The following AKAP19 variants were observed in gnomAD, a reference collection of about 807,000 sequenced individuals.
AKAP19 encodes the protein A-kinase anchoring protein 19.
the AKAP19 span, among the ~76,000 whole-genome samples, chr2:189,892,090 T>G: frequency 1.3e-5 from 2 of 151,936 alleles, no homozygotes; most frequent in Middle Eastern, 3.2e-3. Context: ...GTCAGGTCAT[T>G]TATGTTCTTC....
chr2:190,187,983 A>AGCCTTCAAATAACATT, the AKAP19 span, among the ~76,000 whole-genome samples: 1 of 152,210 alleles, frequency 6.6e-6, no homozygotes, highest in Non-Finnish European at 1.5e-5. Flanking sequence ...TAGAGCTTTG[A>AGCCTTCAAATAACATT]GCCTTCAAAT....
the AKAP19 span, among the ~76,000 whole-genome samples, chr2:190,120,488 G>T: frequency 3.3e-5 from 5 of 152,130 alleles, no homozygotes; most frequent in African/African-American, 4.8e-5. Flanking sequence ...ACTTAGAAAG[G>T]AGTATAACAA....
At chr2:190,114,764 A>G in the AKAP19 span, among the ~76,000 whole-genome samples, 1 of 152,166 alleles carries the variant, frequency 6.6e-6, no homozygotes, top group African/African-American at 2.4e-5. Flanking sequence ...CTGAAAAGAA[A>G]GTTTTTAAGA....
At chr2:189,935,701 C>T in the AKAP19 span, among the ~76,000 whole-genome samples, 1 of 152,024 alleles carries the variant, frequency 6.6e-6, no homozygotes, top group African/African-American at 2.4e-5. Context: ...ATGTCTTTAT[C>T]ATGATTTTTG....
chr2:190,054,494 T>C, the AKAP19 span, among the ~76,000 whole-genome samples: 1 of 152,118 alleles, frequency 6.6e-6, no homozygotes, highest in Non-Finnish European at 1.5e-5. Context: ...ACAAATGGAA[T>C]CTAATTAAAG....
chr2:190,068,955 T>G, the AKAP19 span, among the ~76,000 whole-genome samples: 2 of 152,150 alleles, frequency 1.3e-5, no homozygotes, highest in African/African-American at 2.4e-5. Context: ...GATCTATGGC[T>G]TCTCACACCG....
At chr2:190,034,638 A>G in the AKAP19 span, among the ~76,000 whole-genome samples, 10 of 151,160 alleles carry the variant, frequency 6.6e-5, no homozygotes, top group South Asian at 2.1e-3. Flanking sequence ...TGAGGCCAGG[A>G]GTTGGAGACC....
At chr2:190,062,265 T>C in the AKAP19 span, 6 of 1,613,012 alleles carry the variant, frequency 3.7e-6, no homozygotes, top group East Asian at 8.9e-5. Context: ...TGTAGCGTGA[T>C]AATCGTCATC....
chr2:190,071,227 T>G, the AKAP19 span, among the ~76,000 whole-genome samples: 2 of 152,158 alleles, frequency 1.3e-5, no homozygotes, highest in Non-Finnish European at 2.9e-5. Context: ...GCAGGAGGAT[T>G]GCTTGAGGCC....
chr2:190,114,750 C>A, the AKAP19 span, among the ~76,000 whole-genome samples: 2 of 152,140 alleles, frequency 1.3e-5, no homozygotes, highest in African/African-American at 4.8e-5. Flanking sequence ...GCCACCGCGC[C>A]CAGCTGAAAA....
At chr2:190,095,959 G>A in the AKAP19 span, among the ~76,000 whole-genome samples, 1 of 152,134 alleles carries the variant, frequency 6.6e-6, no homozygotes, top group Non-Finnish European at 1.5e-5. Flanking sequence ...AAATAAGGTG[G>A]AGCCCACAGG....
the AKAP19 span, chr2:189,879,961 G>C: frequency 6.6e-6 from 1 of 152,224 alleles, no homozygotes; most frequent in African/African-American, 2.4e-5. Context: ...TGCTGAGAAG[G>C]TAGCCATCTA....
the AKAP19 span, among the ~76,000 whole-genome samples, chr2:190,181,875 G>C: frequency 2.0e-5 from 3 of 152,088 alleles, no homozygotes; most frequent in African/African-American, 7.2e-5. Context: ...TTTCCCTTTG[G>C]ATGAGGCTGT....
the AKAP19 span, among the ~76,000 whole-genome samples, chr2:190,046,009 G>A: frequency 2.6e-5 from 4 of 152,226 alleles, no homozygotes; most frequent in Non-Finnish European, 5.9e-5. Context: ...TCCCAGGGTC[G>A]CACATTCACT....
chr2:189,929,675 A>G, the AKAP19 span, among the ~76,000 whole-genome samples: 5 of 152,290 alleles, frequency 3.3e-5, no homozygotes, highest in Middle Eastern at 3.4e-3. Flanking sequence ...CAGATTATAA[A>G]TAAACTGGTT....
chr2:190,197,080 G>A, the AKAP19 span, among the ~76,000 whole-genome samples: 3 of 152,058 alleles, frequency 2.0e-5, no homozygotes, highest in African/African-American at 7.2e-5. This position sits in a 1 kb window ranked among gnomAD's most constrained non-coding sequence, Gnocchi z 4.0. Context: ...ACTCTCTGGG[G>A]TCTCTTTTAT....
the AKAP19 span, among the ~76,000 whole-genome samples, chr2:189,883,243 C>T: frequency 6.6e-6 from 1 of 152,204 alleles, no homozygotes; most frequent in East Asian, 1.9e-4. Context: ...TGCTACTTGT[C>T]AGGGAGCCAC....
chr2:190,124,908 C>A, the AKAP19 span, among the ~76,000 whole-genome samples: 5 of 151,558 alleles, frequency 3.3e-5, no homozygotes, highest in African/African-American at 9.7e-5. Flanking sequence ...TTGTTAAAAT[C>A]GAAGACAAAA....
At chr2:189,972,610 A>C in the AKAP19 span, among the ~76,000 whole-genome samples, 1 of 152,182 alleles carries the variant, frequency 6.6e-6, no homozygotes, top group Non-Finnish European at 1.5e-5. Context: ...CTTCCTATCC[A>C]TGAGCATGGA....
Sources: gnomAD v4.1 joint callset for allele counts (sites outside exome capture counted in the v4.1 genomes callset) on GRCh38, gnomAD v4.1.1 for gene constraint, Gnocchi (gnomAD v3.1) non-coding constraint, MANE v1.5 for transcripts, NCBI Gene and HGNC (gene_info 2026-07-23, HGNC 2026-07-21) for gene names.